The following ADGRL2 variants were observed in gnomAD, a reference collection of about 807,000 sequenced individuals.
ADGRL2 encodes the protein adhesion G protein-coupled receptor L2, also known as calcium-independent alpha-latrotoxin receptor 2.
A neutral mutation model predicts 157.4 loss-of-function variants in ADGRL2; 44 were observed. The observed-to-expected ratio is 0.28, with a 90% confidence interval of 0.22 to 0.36. The LOEUF is 0.36. Ranked by LOEUF, ADGRL2 falls within the 10% of genes least tolerant of loss-of-function variation. The pLI is 1.00. For synonymous variants in ADGRL2, 585 were observed against 624.7 expected (o/e 0.94, Z 0.95); for missense variants, 1,510 against 1,768.9 (o/e 0.85, Z 2.63).
chr1:81,403,531 G>A (rs6700288), intron 1 of ADGRL2, among the ~76,000 whole-genome samples: 1 of 151,796 alleles, frequency 6.6e-6, no homozygotes. Context: ...CTCCCAAAGT[G>A]CTGGGATTAC....
intron 2 of ADGRL2, among the ~76,000 whole-genome samples, chr1:81,543,826 C>G (rs1029544178): frequency 6.6e-6 from 1 of 152,186 alleles, no homozygotes; most frequent in African/African-American, 2.4e-5. Flanking sequence ...TCCCTCTTCT[C>G]GAGTTTTTCT....
intron 2 of ADGRL2, among the ~76,000 whole-genome samples, chr1:81,563,191 C>T (rs1035499633): frequency 6.6e-6 from 1 of 152,112 alleles, no homozygotes; most frequent in Non-Finnish European, 1.5e-5. Flanking sequence ...ATTTGAGAAA[C>T]GTCTAGTGAA....
At position 81,984,840 on chromosome 1, in the gene ADGRL2, G is replaced by A. The variant is rs1662696211; in HGVS notation, c.3411+129G>A. 7 of 1,082,030 alleles carry A rather than the reference G, an allele frequency of 6.5e-6. No homozygotes were observed. The East Asian group carries it at 1.5e-4, about 24-fold the overall frequency. 67.0% of individuals were successfully genotyped at this position (1,082,030 alleles called of 1,614,324 possible). On this transcript the variant is annotated intron_variant, in intron 20 of 23. Transcript: ENST00000686636. ...TAGATAGCAAATACTTGCTTTTTTA[G>A]TATTTTGGTTTCAATGTCTTCTTAA...
intron 2 of ADGRL2, among the ~76,000 whole-genome samples, chr1:81,530,870 G>A (rs188660113): frequency 6.8e-4 from 104 of 152,120 alleles, no homozygotes; most frequent in Non-Finnish European, 1.3e-3. Flanking sequence ...AGATCACGAG[G>A]TCGGGAGTTC....
At chr1:81,607,606 C>T (rs911715525) in intron 3 of ADGRL2, among the ~76,000 whole-genome samples, 34 of 152,172 alleles carry the variant, frequency 2.2e-4, no homozygotes, top group Non-Finnish European at 4.1e-4. Context: ...TAAGAAAGAA[C>T]ACCTTTCCTT....
At chr1:81,677,728 C>T (rs371011771) in intron 3 of ADGRL2, among the ~76,000 whole-genome samples, 2 of 152,166 alleles carry the variant, frequency 1.3e-5, no homozygotes, top group African/African-American at 4.8e-5. Flanking sequence ...CACCCTTACC[C>T]GAAGACTCAA....
At chr1:81,557,493 GAAAGAAAGAAAGAAAGAAAGA>G (rs1557459058) in intron 2 of ADGRL2, 9 of 77,068 alleles carry the variant, frequency 1.2e-4, no homozygotes, top group African/African-American at 4.2e-4. Context: ...AAGAAAGAAA[GAAAGAAAGAAAGAAAGAAAGA>G]AAGAAAGAAA....
intron 2 of ADGRL2, among the ~76,000 whole-genome samples, chr1:81,775,800 G>GGTT (rs764526210): frequency 3.9e-5 from 6 of 152,064 alleles, no homozygotes; most frequent in Admixed American, 6.6e-5. Flanking sequence ...CTTGTAAAAA[G>GGTT]GTTGGTACAG....
At chr1:81,744,681 A>C (rs542293080) in intron 1 of ADGRL2, among the ~76,000 whole-genome samples, 1 of 152,310 alleles carries the variant, frequency 6.6e-6, no homozygotes, top group South Asian at 2.1e-4. Context: ...AATACTGCTC[A>C]AAATTACTGT....
intron 1 of ADGRL2, among the ~76,000 whole-genome samples, chr1:81,324,291 C>A (rs1269270566): frequency 6.6e-6 from 1 of 151,788 alleles, no homozygotes; most frequent in African/African-American, 2.4e-5. Flanking sequence ...ATCACTTGAG[C>A]CCAGGAGTTC....
rs1270165236 is a variant in ADGRL2, at chr1:81,343,060, TTTTTTTCTTTTCTTTTTTTC to T, written c.-302+36571_-302+36590del. Among the ~76,000 whole-genome samples, 68 of 150,974 alleles carry T rather than the reference TTTTTTTCTTTTCTTTTTTTC, an allele frequency of 4.5e-4. No individual in the cohort carries two copies. In the South Asian group the frequency reaches 0.013, roughly 30 times the overall value. On this transcript the variant is annotated intron_variant, in intron 1 of 24. Coordinates refer to the ADGRL2 transcript ENST00000370721. ...CTATTATTATACAACAATCTTTCTC[TTTTTTTCTTTTCTTTTTTTC>T]TTTTTTCTTTTCTTTTTTTTTTTTT... is the stretch of plus-strand genomic sequence containing the variant.
At chr1:81,361,823 T>C (rs12049631) in intron 1 of ADGRL2, among the ~76,000 whole-genome samples, 1 of 151,610 alleles carries the variant, frequency 6.6e-6, no homozygotes, top group Admixed American at 6.6e-5. Flanking sequence ...CAATTTTTGA[T>C]ATCTGTCCTA....
chr1:81,970,076 T>G (rs1389987625), intron 15 of ADGRL2, among the ~76,000 whole-genome samples: 1 of 152,178 alleles, frequency 6.6e-6, no homozygotes. Context: ...ATGTTCTTCC[T>G]TGATGAAACC....
chr1:81,769,644 C>T (rs2086272915), intron 2 of ADGRL2, among the ~76,000 whole-genome samples: 1 of 151,734 alleles, frequency 6.6e-6, no homozygotes, highest in Non-Finnish European at 1.5e-5. Flanking sequence ...TTCAGCAATA[C>T]CTTGGCTATC....
Position 81,731,771 on chromosome 1 carries a change from G to A in ADGRL2, c.-142-30040G>A, listed in dbSNP as rs533870778. Among the ~76,000 whole-genome samples, 8 of 152,174 alleles carry A rather than the reference G, an allele frequency of 5.3e-5. No homozygotes were observed. The East Asian group carries it at 1.5e-3, about 29-fold the overall frequency. On this transcript the variant is annotated intron_variant, in intron 1 of 20. Coordinates refer to the ADGRL2 transcript ENST00000359929. ...TAACAAATTCTTCCCAAAGAAGAGT[G>A]GCAGTGCACTTTGCGGTTTGTTAAT... is the stretch of plus-strand genomic sequence containing the variant.
At chr1:81,600,212 A>G (rs909013069) in intron 3 of ADGRL2, among the ~76,000 whole-genome samples, 6 of 152,222 alleles carry the variant, frequency 3.9e-5, no homozygotes, top group African/African-American at 1.2e-4. Flanking sequence ...TTAAAGGCAC[A>G]TGTGCAAGTA....
Position 81,951,014 on chromosome 1 carries a change from G to A in ADGRL2, c.1505-4G>A. The A allele has an allele frequency of 6.3e-7, 1 of 1,599,448 alleles. No homozygotes were observed. The highest frequency in any genetic ancestry group is 2.2e-5 in the East Asian group (1 of 44,786). Reference sequence around the variant, plus strand: ...TTCACTGTTGTTTTCTACATCTGTTGTAGGAACTGCCTCATATCTCTGCAT... The same window carrying A: ...TTCACTGTTGTTTTCTACATCTGTTATAGGAACTGCCTCATATCTCTGCAT... On this transcript the variant is annotated splice_region_variant and splice_polypyrimidine_tract_variant and intron_variant, in intron 7 of 23. Transcript: ENST00000686636.
At chr1:81,386,266 T>C (rs556373798) in intron 1 of ADGRL2, among the ~76,000 whole-genome samples, 1 of 152,222 alleles carries the variant, frequency 6.6e-6, no homozygotes, top group East Asian at 1.9e-4. Context: ...ATAAACCTAG[T>C]AAGCAGGAAA....
At chr1:81,627,997 T>A (rs895237417) in intron 3 of ADGRL2, among the ~76,000 whole-genome samples, 1 of 152,174 alleles carries the variant, frequency 6.6e-6, no homozygotes, top group Non-Finnish European at 1.5e-5. Context: ...AGTCTAACAA[T>A]CATATTCATT....
Sources: allele counts gnomAD v4.1 joint callset (sites outside exome capture counted in the v4.1 genomes callset), GRCh38; gene constraint gnomAD v4.1.1; transcripts MANE v1.5; gene names NCBI Gene and HGNC (gene_info 2026-07-23, HGNC 2026-07-21).